Variants in MCM9 observed in about 807,000 individuals in gnomAD.
MCM9 encodes the protein DNA helicase MCM9.
In MCM9, 55 loss-of-function variants were observed where a neutral mutation model predicts 72.8. The ratio of observed to expected loss-of-function variants is 0.76; its 90% CI spans 0.61 to 0.95. MCM9 has a LOEUF of 0.95. Among genes scored for constraint, MCM9 ranks in the 40% least tolerant of loss-of-function variants. The pLI is 0.00. For missense variants in MCM9, 1,279 were observed against 1,377.0 expected (o/e 0.93, Z 1.13); for synonymous variants, 480 against 503.4 (o/e 0.95, Z 0.62).
intron 8 of MCM9, among the ~76,000 whole-genome samples, chr6:118,881,063 C>T (rs36136604): frequency 0.81 from 122,631 of 152,094 alleles, 49,892 homozygotes; most frequent in East Asian, 0.92. Context: ...GTTATGTGAA[C>T]GTGGTCTTTC....
At chr6:118,894,557 T>G in intron 8 of MCM9, 1 of 1,496,544 alleles carries the variant, frequency 6.7e-7, no homozygotes, top group South Asian at 1.2e-5. Context: ...GGCTGTCAGT[T>G]GCGGGCTGCA....
intron 4 of MCM9, 110 bp downstream of exon 4, chr6:118,923,701 G>C (rs1583683186): frequency 2.1e-6 from 2 of 932,216 alleles, no homozygotes; most frequent in East Asian, 2.6e-5. Context: ...TCCACAAAGT[G>C]ACAACACAAG....
At chr6:118,888,486 AAAAC>A (rs905647759) in intron 8 of MCM9, among the ~76,000 whole-genome samples, 2 of 152,188 alleles carry the variant, frequency 1.3e-5, no homozygotes, top group Admixed American at 6.5e-5. Flanking sequence ...GACTCGTCTC[AAAAC>A]AAACAGACAA....
At chr6:118,894,363 T>C (rs1187506554) in intron 8 of MCM9, 11 of 1,534,790 alleles carry the variant, frequency 7.2e-6, no homozygotes, top group South Asian at 3.6e-5. Flanking sequence ...CGCTGGACTT[T>C]ATTGTGCCGC....
At chr6:118,867,744 C>A (rs1777308003) in intron 8 of MCM9, among the ~76,000 whole-genome samples, 1 of 152,014 alleles carries the variant, frequency 6.6e-6, no homozygotes, top group African/African-American at 2.4e-5. Context: ...CATACAATGA[C>A]AAAATCACCT....
At chr6:118,903,789 G>A (rs1196844782) in intron 8 of MCM9, among the ~76,000 whole-genome samples, 1 of 152,236 alleles carries the variant, frequency 6.6e-6, no homozygotes, top group African/African-American at 2.4e-5. Flanking sequence ...GTTTCGCCAT[G>A]TGGCCCAGGA....
At chr6:118,920,429 A>G (rs1781336777) in intron 5 of MCM9, 1 of 152,230 alleles carries the variant, frequency 6.6e-6, no homozygotes, top group Non-Finnish European at 1.5e-5. Flanking sequence ...TGTTGAACCC[A>G]CCTAGTCTAT....
At chr6:118,889,826 T>C (rs1778831330) in intron 8 of MCM9, among the ~76,000 whole-genome samples, 1 of 152,218 alleles carries the variant, frequency 6.6e-6, no homozygotes, top group African/African-American at 2.4e-5. Context: ...TTTTACAGTA[T>C]AGTCCAGCTA....
rs142799285 is a variant in MCM9 at position 118,862,403 on chromosome 6, T to C, written c.1151-5858A>G. Among the ~76,000 whole-genome samples, 1,445 of 152,350 alleles carry C rather than the reference T, an allele frequency of 9.5e-3. 27 individuals carry two copies. The highest frequency in any genetic ancestry group is 0.051 in the Middle Eastern group (15 of 294). On this transcript the variant is annotated intron_variant, in intron 8 of 13. Coordinates refer to ENST00000619706, the MANE Select transcript of MCM9 (RefSeq NM_017696.3). ...CCAAATGGGCTGATGCCACCATCAATTGTAACATATAATGAAATAATTATA... is the reference window on the plus strand; with the variant it reads ...CCAAATGGGCTGATGCCACCATCAACTGTAACATATAATGAAATAATTATA...
intron 9 of MCM9, among the ~76,000 whole-genome samples, chr6:118,836,016 T>C (rs974121892): frequency 1.4e-4 from 22 of 152,188 alleles, no homozygotes; most frequent in Non-Finnish European, 3.1e-4. Flanking sequence ...TTTTGAGATA[T>C]GTTCCATCAA....
chr6:118,915,799 C>T (rs1780895702), intron 6 of MCM9, among the ~76,000 whole-genome samples: 1 of 152,184 alleles, frequency 6.6e-6, no homozygotes, highest in Non-Finnish European at 1.5e-5. Flanking sequence ...TTGCTATCTT[C>T]CTACTTATAT....
At chr6:118,875,878 A>G (rs1777903730) in intron 8 of MCM9, among the ~76,000 whole-genome samples, 1 of 152,180 alleles carries the variant, frequency 6.6e-6, no homozygotes, top group African/African-American at 2.4e-5. Context: ...GCTGTGCTCC[A>G]TGGTGTTTAC....
intron 8 of MCM9, among the ~76,000 whole-genome samples, chr6:118,895,640 C>A (rs1306861210): frequency 6.6e-6 from 1 of 151,958 alleles, no homozygotes; most frequent in South Asian, 2.1e-4. Flanking sequence ...TTTTTAATAT[C>A]TTTAGTAATA....
At chr6:118,828,420 C>G (rs1323521139) in intron 10 of MCM9, among the ~76,000 whole-genome samples, 2 of 151,530 alleles carry the variant, frequency 1.3e-5, no homozygotes, top group East Asian at 3.9e-4. Context: ...GAGTCTCACT[C>G]TGTCACCCAG....
At chr6:118,817,006 A>G (rs1030855325) in intron 13 of MCM9, among the ~76,000 whole-genome samples, 1 of 152,202 alleles carries the variant, frequency 6.6e-6, no homozygotes, top group African/African-American at 2.4e-5. Flanking sequence ...ACAGAATTAA[A>G]ATCTATTTAC....
At chr6:118,933,130 G>A (rs1344809243) in intron 1 of MCM9, among the ~76,000 whole-genome samples, 2 of 152,152 alleles carry the variant, frequency 1.3e-5, no homozygotes, top group African/African-American at 2.4e-5. Flanking sequence ...TCAAAGGAGA[G>A]GGAGGTTAAA....
At chr6:118,820,827 T>C (rs910497216) in intron 13 of MCM9, among the ~76,000 whole-genome samples, 2 of 152,186 alleles carry the variant, frequency 1.3e-5, no homozygotes, top group Non-Finnish European at 2.9e-5. Context: ...GCATATATAT[T>C]TAGGATAGTT....
At chr6:118,916,737 A>G (rs1014809809) in intron 6 of MCM9, among the ~76,000 whole-genome samples, 1 of 152,104 alleles carries the variant, frequency 6.6e-6, no homozygotes, top group African/African-American at 2.4e-5. Context: ...CCTGACCTCA[A>G]GTGACCCACC....
intron 8 of MCM9, among the ~76,000 whole-genome samples, chr6:118,867,028 A>G (rs1440174196): frequency 6.6e-6 from 1 of 152,000 alleles, no homozygotes; most frequent in Non-Finnish European, 1.5e-5. Context: ...TGATACATTC[A>G]ACATCCTAAA....
Sources: gnomAD v4.1 joint callset for allele counts (sites outside exome capture counted in the v4.1 genomes callset) on GRCh38, gnomAD v4.1.1 for gene constraint, MANE v1.5 for transcripts, NCBI Gene and HGNC (gene_info 2026-07-23, HGNC 2026-07-21) for gene names.